The following MTHFSD variants were observed in gnomAD, a reference collection of about 807,000 sequenced individuals.
MTHFSD encodes the protein methenyltetrahydrofolate synthase domain-containing protein.
MTHFSD carries 37 observed loss-of-function variants against 31.1 expected under a neutral mutation model. That is an observed-to-expected ratio of 1.19 (90% CI 0.91 to 1.56). The LOEUF (loss-of-function observed/expected upper bound fraction) is 1.56, where lower values mean the gene tolerates loss of function less well. MTHFSD is among the 40% of genes most tolerant of loss of function. MTHFSD has a pLI of 0.00. For synonymous variants in MTHFSD, 221 were observed against 206.9 expected, an observed-to-expected ratio of 1.07 and a Z score of -0.59; for missense variants, 664 against 510.1, an observed-to-expected ratio of 1.30 and a Z score of -2.91.
chr16:86,540,833 C>T (rs1166097330), intron 7 of MTHFSD: 2 of 1,041,800 alleles, frequency 1.9e-6, no homozygotes, highest in Non-Finnish European at 2.3e-6. Flanking sequence ...CCTCTGCGTT[C>T]ATCAGCGGCC....
intron 4 of MTHFSD, chr16:86,548,160 G>A (rs928268350): frequency 6.5e-5 from 83 of 1,279,052 alleles, no homozygotes; most frequent in Admixed American, 3.9e-4. Flanking sequence ...ACTGAACATC[G>A]CAGGTTAACA....
chr16:86,554,739 T>G lies in MTHFSD; in HGVS notation c.29A>C (p.Lys10Thr). ...CCAAATTTGTTCACGTATGTCCTGT[T>G]TGGAGACACCTACTGCAACAAAAGA... MEPRAVGVS[K>T]QDIREQIWGY... The change falls in exon 2 of 8, where the codon AAA (lysine) becomes ACA (threonine). Residue 10 changes from lysine (K) to threonine (T), a missense_variant. Lys to Thr is a moderately conservative substitution (Grantham distance 78, BLOSUM62 -1). Transcript: ENST00000360900. 6.2e-7 allele frequency: 1 copy of G among 1,613,670 alleles called. No individual in the cohort carries two copies. Among genetic ancestry groups the G allele is most frequent in the East Asian group, 2.2e-5 (1 of 44,882 alleles).
chr16:86,532,491 A>C lies in MTHFSD; in HGVS notation c.682-10T>G, dbSNP rs901250652. The C allele has an allele frequency of 7.9e-6, 11 of 1,393,948 alleles. No homozygotes were observed. Among genetic ancestry groups the C allele is most frequent in the South Asian group, 1.6e-5 (1 of 60,854 alleles). The allele number at this position is 1,393,948 out of a possible 1,614,324, so 86.3% of individuals were successfully genotyped here. A position where few individuals can be genotyped will look rare whatever the true frequency, so the allele number is the denominator to read the frequency against. ...TCATCTCCAGGCTGATCTGAAAAGC[A>C]AAGCAGTTGCAGCTCTTTCAGGGAC... is the stretch of plus-strand genomic sequence containing the variant. On this transcript the variant is annotated splice_polypyrimidine_tract_variant and intron_variant, in intron 7 of 7. Coordinates refer to ENST00000360900, the MANE Select transcript of MTHFSD (RefSeq NM_001159377.2).
chr16:86,550,119 C>T (rs1005312905), intron 3 of MTHFSD, among the ~76,000 whole-genome samples: 1 of 152,234 alleles, frequency 6.6e-6, no homozygotes, highest in African/African-American at 2.4e-5. Context: ...GTGCATGTCA[C>T]CATTGCCTGC....
rs1244523017 is a variant in MTHFSD at position 86,542,342 on chromosome 16, C to T, written c.443-129G>A. 1.3e-6 allele frequency: 1 copy of T among 750,058 alleles called. No homozygotes were observed. The highest frequency in any genetic ancestry group is 2.1e-6 in the Non-Finnish European group (1 of 472,150). 46.5% of individuals were successfully genotyped at this position (750,058 alleles called of 1,614,324 possible). ...CCGAGCTAATCTATAGAAATTTTCA[C>T]AGAAATGCCCACCAAATGCCCACAA... On this transcript the variant is annotated intron_variant, in intron 5 of 7. Transcript: ENST00000360900. The surrounding 1 kb of genome is among the most constrained non-coding windows in gnomAD (Gnocchi z 4.6).
intron 5 of MTHFSD, among the ~76,000 whole-genome samples, chr16:86,543,890 G>A (rs1971890108): frequency 2.6e-5 from 4 of 152,186 alleles, no homozygotes; most frequent in African/African-American, 9.7e-5. Flanking sequence ...CCGATCAGCT[G>A]CGGCATTAGA....
chr16:86,546,475 G>A (rs1418014715), intron 5 of MTHFSD, 84 bp downstream of exon 5: 12 of 1,228,578 alleles, frequency 9.8e-6, no homozygotes, highest in South Asian at 2.4e-5. Flanking sequence ...CACCACTGGC[G>A]ACTTTTGAAA....
intron 7 of MTHFSD, among the ~76,000 whole-genome samples, chr16:86,537,693 G>A (rs1970903113): frequency 6.6e-6 from 1 of 152,206 alleles, no homozygotes; most frequent in African/African-American, 2.4e-5. Flanking sequence ...GCTCACAGAG[G>A]AGCCCTGTTC....
intron 7 of MTHFSD, among the ~76,000 whole-genome samples, chr16:86,538,479 A>T: frequency 6.6e-6 from 1 of 152,170 alleles, no homozygotes; most frequent in South Asian, 2.1e-4. Context: ...CAGCCCTGGG[A>T]GCTGGCTGGG....
chr16:86,547,286 A>T, intron 4 of MTHFSD: 1 of 985,662 alleles, frequency 1.0e-6, no homozygotes, highest in Non-Finnish European at 1.2e-6. Flanking sequence ...CATGCATATA[A>T]AGAATAGGGA....
intron 4 of MTHFSD, chr16:86,547,972 G>A (rs1972575540): frequency 8.6e-7 from 1 of 1,164,730 alleles, no homozygotes; most frequent in Non-Finnish European, 1.1e-6. Context: ...TGTACACTTG[G>A]TTTTACTAAA....
At chr16:86,537,409 C>T (rs1161716431) in intron 7 of MTHFSD, among the ~76,000 whole-genome samples, 1 of 152,004 alleles carries the variant, frequency 6.6e-6, no homozygotes, top group African/African-American at 2.4e-5. Context: ...AAATGGACTC[C>T]CCCCACCCCC....
chr16:86,544,263 A>G (rs918418684), intron 5 of MTHFSD, among the ~76,000 whole-genome samples: 1 of 152,226 alleles, frequency 6.6e-6, no homozygotes, highest in Non-Finnish European at 1.5e-5. Flanking sequence ...TGTCTCGGCA[A>G]AAGAAACTAT....
chr16:86,533,701 C>T (rs1970285184), intron 7 of MTHFSD: 1 of 152,220 alleles, frequency 6.6e-6, no homozygotes, highest in African/African-American at 2.4e-5. Flanking sequence ...CCAAGAATGA[C>T]TCACCCACAA....
chr16:86,547,047 C>A, intron 4 of MTHFSD: 8 of 591,768 alleles, frequency 1.4e-5, no homozygotes, highest in South Asian at 6.5e-5. Flanking sequence ...TCAGTTTCTT[C>A]AGCTGTAAGA....
In MTHFSD at chr16:86,530,636, T is replaced by C. The variant is rs1179975589; in HGVS notation, c.*1375A>G. On this transcript the variant is annotated 3_prime_UTR_variant, in exon 8 of 8. Coordinates refer to ENST00000360900, the MANE Select transcript of MTHFSD (RefSeq NM_001159377.2). ...GTAAACAAAAAAAAAAAAATAAGAA[T>C]CTTTCAGAAAAAGAAGTATTTTTTA... The C allele has an allele frequency of 1.3e-5, 2 of 151,768 alleles. No individual in the cohort carries two copies. Among genetic ancestry groups the C allele is most frequent in the Admixed American group, 6.6e-5 (1 of 15,266 alleles). The allele number at this position is 151,768 out of a possible 1,614,324, so 9.4% of individuals were successfully genotyped here.
chr16:86,532,461 C>G lies in MTHFSD; in HGVS notation c.702G>C (p.Glu234Asp). ...TWFKISLEMM[E>D]KIPILRSLRA... Reference sequence around the variant, plus strand: ...GGAGGCTCCTCAGTATGGGGATTTTCTCCATCATCTCCAGGCTGATCTGAA... The same window carrying G: ...GGAGGCTCCTCAGTATGGGGATTTTGTCCATCATCTCCAGGCTGATCTGAA... The change falls in exon 8 of 8, where the codon GAG becomes GAC. Residue 234 changes from glutamate (E) to aspartate (D), a missense_variant. Coordinates refer to ENST00000360900, the MANE Select transcript of MTHFSD (RefSeq NM_001159377.2). 1.4e-6 allele frequency: 2 copies of G among 1,434,648 alleles called. No homozygotes were observed. Among genetic ancestry groups the G allele is most frequent in the South Asian group, 3.0e-5 (2 of 65,882 alleles). 88.9% of individuals were successfully genotyped at this position (1,434,648 alleles called of 1,614,324 possible).
chr16:86,552,086 C>G lies in MTHFSD; in HGVS notation c.184G>C (p.Val62Leu). 1.9e-6 allele frequency: 3 copies of G among 1,614,196 alleles called. No homozygotes were observed. Among genetic ancestry groups the G allele is most frequent in the South Asian group, 1.1e-5 (1 of 91,086 alleles). ...AGTGGTTTATCAGGGTCCACTTTAA[C>G]TTCCTGTGTTCTGGCAAAAACGTCT... is the stretch of plus-strand genomic sequence containing the variant. ...DLDVFARTQE[V>L]KVDPDKPLEG... The change falls in exon 3 of 8, where the codon GTT becomes CTT. Residue 62 changes from valine (V) to leucine (L), a missense_variant. By Grantham distance (32) the Val-to-Leu change is conservative. Transcript: ENST00000360900.
At chr16:86,552,385 A>G in intron 2 of MTHFSD, 2 of 1,040,090 alleles carry the variant, frequency 1.9e-6, no homozygotes, top group Non-Finnish European at 2.7e-6. Flanking sequence ...TCACCCAGAC[A>G]GGCACTAACA....
Sources: allele counts gnomAD v4.1 joint callset (sites outside exome capture counted in the v4.1 genomes callset), GRCh38; gene constraint gnomAD v4.1.1; non-coding constraint Gnocchi (gnomAD v3.1); transcripts MANE v1.5; gene names NCBI Gene and HGNC (gene_info 2026-07-23, HGNC 2026-07-21).